LSP1: variants seen among roughly 807,000 people sequenced by gnomAD.
LSP1 encodes the protein lymphocyte specific protein 1, also known as lymphocyte-specific protein 1.
In LSP1, 32 loss-of-function variants were observed where a neutral mutation model predicts 49.3. That is an observed-to-expected ratio of 0.65 (90% CI 0.49 to 0.87). The LOEUF (loss-of-function observed/expected upper bound fraction) is 0.87. Among genes scored for constraint, LSP1 ranks in the 40% least tolerant of loss-of-function variants. LSP1 has a pLI of 0.00. For synonymous variants in LSP1, 179 were observed against 178.8 expected (o/e 1.00, Z -0.01); for missense variants, 428 against 442.6 (o/e 0.97, Z 0.30).
chr11:1,879,440 C>A (rs76782422), intron 1 of LSP1, among the ~76,000 whole-genome samples: 4,927 of 152,286 alleles, frequency 0.032, 79 homozygotes, highest in African/African-American at 0.04. Flanking sequence ...CTGTAAGGTG[C>A]CCCCAGCTAT....
intron 1 of LSP1, among the ~76,000 whole-genome samples, chr11:1,862,202 G>C (rs979898784): frequency 1.3e-5 from 2 of 152,124 alleles, no homozygotes; most frequent in Admixed American, 1.3e-4. Flanking sequence ...GTAGATGGAT[G>C]GATGAGTGGG....
In LSP1 at chr11:1,853,170, G is replaced by C. The variant is rs777162986; in HGVS notation, c.26G>C (p.Gly9Ala). MAEASSDPGAEEREELLGP... is the reference protein window; with the variant it reads MAEASSDPAAEEREELLGP... ...ATGGCGGAGGCTTCGAGTGACCCGG[G>C]TGCCGAGGAGCGGGAAGAGTTGCTG... The change falls in exon 1 of 11, where the codon GGT (glycine) becomes GCT (alanine). Residue 9 changes from glycine (G) to alanine (A), a missense_variant. Transcript: ENST00000311604. 12 of 1,611,550 alleles carry C rather than the reference G, an allele frequency of 7.4e-6. No homozygotes were observed. Among genetic ancestry groups the C allele is most frequent in the Non-Finnish European group, 1.0e-5 (12 of 1,179,444 alleles).
Position 1,881,375 on chromosome 11 carries a change from C to T in LSP1, c.192-57C>T, listed in dbSNP as rs574239027. ...GCGGGCGCCGTGAGGTGAGTGTGGGCCCTGGGCAGAGGAGGCAGCAGCCGC... is the reference window on the plus strand; with the variant it reads ...GCGGGCGCCGTGAGGTGAGTGTGGGTCCTGGGCAGAGGAGGCAGCAGCCGC... On this transcript the variant is annotated intron_variant, in intron 2 of 10. Coordinates refer to ENST00000311604, the MANE Select transcript of LSP1 (RefSeq NM_002339.3). 3.4e-4 allele frequency: 501 copies of T among 1,490,638 alleles called. 1 individual carries two copies. The highest frequency in any genetic ancestry group is 4.3e-4 in the Non-Finnish European group (475 of 1,111,780). 92.3% of individuals were successfully genotyped at this position (1,490,638 alleles called of 1,614,324 possible).
intron 1 of LSP1, chr11:1,871,455 G>A (rs1848003678): frequency 1.0e-6 from 1 of 986,176 alleles, no homozygotes. Flanking sequence ...TGGTCAGCAG[G>A]ACATCAAGCC....
chr11:1,865,213 CG>C, intron 1 of LSP1: 17 of 985,584 alleles, frequency 1.7e-5, no homozygotes, highest in Non-Finnish European at 1.9e-5. Context: ...TGGGCAGTCC[CG>C]GGCTTCTGAG....
intron 1 of LSP1, chr11:1,866,897 C>G (rs948401412): frequency 6.6e-7 from 1 of 1,519,642 alleles, no homozygotes; most frequent in African/African-American, 1.4e-5. Context: ...GGCCCAGCAC[C>G]AACTGCAGCC....
intron 1 of LSP1, among the ~76,000 whole-genome samples, chr11:1,877,810 G>A (rs1024946175): frequency 1.3e-5 from 2 of 152,160 alleles, no homozygotes; most frequent in African/African-American, 2.4e-5. Flanking sequence ...GTGCACCTGC[G>A]TGTGCCCCAG....
Position 1,884,017 on chromosome 11 carries a change from C to T in LSP1, c.584C>T (p.Thr195Ile). ...IEQSSPPLSP[T>I]TKLIDRTESL... ...CAGAGCTCGCCTCCCCTGAGCCCTA[C>T]CACCAAAGTAAGTTAAGCTGCAAAG... The change falls in exon 5 of 11, where the codon ACC becomes ATC. Residue 195 changes from threonine to isoleucine, a missense_variant. Thr to Ile is a moderately conservative substitution (Grantham distance 89, BLOSUM62 -1). Transcript: ENST00000311604. The surrounding 1 kb of genome is among the most constrained non-coding windows in gnomAD (Gnocchi z 4.1). 1 of 1,610,712 alleles carries T rather than the reference C, an allele frequency of 6.2e-7. No homozygotes were observed. Among genetic ancestry groups the T allele is most frequent in the Non-Finnish European group, 8.5e-7 (1 of 1,178,850 alleles).
intron 1 of LSP1, among the ~76,000 whole-genome samples, chr11:1,876,949 C>T (rs1173591000): frequency 6.6e-6 from 1 of 152,200 alleles, no homozygotes; most frequent in South Asian, 2.1e-4. Flanking sequence ...GTGGATGGAG[C>T]CCCCCCACCG....
At chr11:1,855,747 G>A (rs1437037919) in intron 1 of LSP1, among the ~76,000 whole-genome samples, 1 of 152,202 alleles carries the variant, frequency 6.6e-6, no homozygotes, top group Non-Finnish European at 1.5e-5. Context: ...GCTTGTCCTT[G>A]TCCCTTGGGG....
intron 1 of LSP1, among the ~76,000 whole-genome samples, chr11:1,853,788 C>T (rs1342677335): frequency 1.3e-5 from 2 of 152,098 alleles, no homozygotes; most frequent in Admixed American, 6.5e-5. Flanking sequence ...TGCCAGGCAC[C>T]GTGTGTTGGT....
chr11:1,869,808 G>A, intron 1 of LSP1: 1 of 468,970 alleles, frequency 2.1e-6, no homozygotes, highest in Middle Eastern at 4.7e-4. Context: ...CGTGGGGGGG[G>A]CTGGTTTTCC....
intron 10 of LSP1, chr11:1,891,108 G>A (rs112626892): frequency 5.1e-5 from 8 of 157,502 alleles, no homozygotes; most frequent in Non-Finnish European, 7.1e-5. Flanking sequence ...GAGGGGTGGC[G>A]GCCAAGAGGC....
At chr11:1,883,693 G>A (rs1396228116) in intron 4 of LSP1, 133 bp downstream of exon 4, 10 of 1,180,282 alleles carry the variant, frequency 8.5e-6, no homozygotes, top group Middle Eastern at 2.9e-4. Context: ...CCTAGACCTT[G>A]CAGCCCCTTC....
chr11:1,864,029 T>A (rs977988283), intron 1 of LSP1: 8 of 189,192 alleles, frequency 4.2e-5, no homozygotes, highest in Non-Finnish European at 4.5e-5. Context: ...AAAGGGAAAG[T>A]GGAGAACCAG....
intron 1 of LSP1, among the ~76,000 whole-genome samples, chr11:1,854,577 A>G (rs1289928315): frequency 1.3e-5 from 2 of 152,270 alleles, no homozygotes; most frequent in East Asian, 3.9e-4. Flanking sequence ...GCGGGGGGCC[A>G]CTGAAGGGAC....
At chr11:1,854,419 C>T (rs1462882648) in intron 1 of LSP1, among the ~76,000 whole-genome samples, 1 of 152,202 alleles carries the variant, frequency 6.6e-6, no homozygotes, top group African/African-American at 2.4e-5. Flanking sequence ...CACCTCCCGG[C>T]CTTCACACAA....
intron 10 of LSP1, chr11:1,891,048 C>G: frequency 6.2e-6 from 1 of 160,830 alleles, no homozygotes. Flanking sequence ...GTGAGGGGCG[C>G]CCTGTTGTCG....
intron 1 of LSP1, among the ~76,000 whole-genome samples, chr11:1,867,384 C>T (rs4980379): frequency 0.32 from 48,371 of 149,356 alleles, 9,210 homozygotes; most frequent in East Asian, 0.64. Flanking sequence ...CACGACCACC[C>T]GGGACAGTAC....
Sources: allele counts gnomAD v4.1 joint callset (sites outside exome capture counted in the v4.1 genomes callset), GRCh38; gene constraint gnomAD v4.1.1; non-coding constraint Gnocchi (gnomAD v3.1); transcripts MANE v1.5; gene names NCBI Gene and HGNC (gene_info 2026-07-23, HGNC 2026-07-21).